The following NXPE4 variants were observed in gnomAD, a reference collection of about 807,000 sequenced individuals.
NXPE4 encodes neurexophilin and PC-esterase domain family member 4.
NXPE4 carries 42 observed loss-of-function variants against 33.3 expected under a neutral mutation model. The ratio of observed to expected loss-of-function variants is 1.26; its 90% CI spans 0.98 to 1.63. NXPE4 has a LOEUF of 1.63. Among genes scored for constraint, NXPE4 ranks in the 40% most tolerant of loss-of-function variants. The probability of loss-of-function intolerance (pLI) is 0.00; values close to 1 mark genes in which losing one functional copy is unlikely to be tolerated. For missense variants in NXPE4, 709 were observed against 647.6 expected, an observed-to-expected ratio of 1.09 and a Z score of -1.03; for synonymous variants, 253 against 234.9, an observed-to-expected ratio of 1.08 and a Z score of -0.71.
chr11:114,641,046 A>G, the NXPE4 span, among the ~76,000 whole-genome samples: 1 of 151,762 alleles, frequency 6.6e-6, no homozygotes, highest in East Asian at 1.9e-4. Flanking sequence ...CAGAAACAAG[A>G]CATCAGAAAG....
chr11:114,655,431 T>TTTC, the NXPE4 span, among the ~76,000 whole-genome samples: 2 of 152,176 alleles, frequency 1.3e-5, no homozygotes, highest in Non-Finnish European at 2.9e-5. Context: ...TTGCCTAGGT[T>TTTC]TTCTTCTAGG....
At chr11:114,663,598 T>C in the NXPE4 span, among the ~76,000 whole-genome samples, 1 of 96,392 alleles carries the variant, frequency 1.0e-5, no homozygotes, top group African/African-American at 3.7e-5. Context: ...TCTATCTATC[T>C]ATCTATCTAT....
chr11:114,631,815 G>C, the NXPE4 span, among the ~76,000 whole-genome samples: 3 of 151,566 alleles, frequency 2.0e-5, no homozygotes, highest in East Asian at 5.8e-4. Flanking sequence ...AATAAGTATT[G>C]CCTCATGGGT....
the NXPE4 span, among the ~76,000 whole-genome samples, chr11:114,632,887 A>C: frequency 9.6e-5 from 8 of 83,734 alleles, no homozygotes; most frequent in African/African-American, 3.6e-4. Flanking sequence ...ATTATATATT[A>C]TATAATTTTA....
chr11:114,577,452 A>G (rs950872220), intron 5 of NXPE4, among the ~76,000 whole-genome samples: 2 of 152,108 alleles, frequency 1.3e-5, no homozygotes, highest in East Asian at 3.9e-4. Context: ...CACAGTGTAC[A>G]CTGCTCGGGC....
At chr11:114,578,761 T>C (rs1389634864) in intron 5 of NXPE4, among the ~76,000 whole-genome samples, 1 of 152,166 alleles carries the variant, frequency 6.6e-6, no homozygotes, top group African/African-American at 2.4e-5. Flanking sequence ...TAAGGTCTAC[T>C]AGCAAATTCT....
chr11:114,647,708 T>TA, the NXPE4 span, among the ~76,000 whole-genome samples: 26 of 151,476 alleles, frequency 1.7e-4, no homozygotes, highest in Admixed American at 3.3e-4. Flanking sequence ...TTATTTTATT[T>TA]TTTTTTTTTT....
chr11:114,618,937 C>T, the NXPE4 span, among the ~76,000 whole-genome samples: 1 of 151,830 alleles, frequency 6.6e-6, no homozygotes, highest in Admixed American at 6.6e-5. Flanking sequence ...CTGCTACCCA[C>T]TGGATAATAA....
chr11:114,651,501 G>A, the NXPE4 span, among the ~76,000 whole-genome samples: 1 of 152,186 alleles, frequency 6.6e-6, no homozygotes, highest in East Asian at 1.9e-4. Flanking sequence ...AAGAGCAAAA[G>A]AACAAACCTG....
At chr11:114,594,541 T>C (rs1487458960) in intron 2 of NXPE4, 123 bp downstream of exon 2, 2 of 674,978 alleles carry the variant, frequency 3.0e-6, no homozygotes, top group Non-Finnish European at 5.3e-6. Flanking sequence ...TGTTGTTTGG[T>C]ATCTAGCTAT....
the NXPE4 span, among the ~76,000 whole-genome samples, chr11:114,656,926 A>T: frequency 6.6e-6 from 1 of 152,088 alleles, no homozygotes; most frequent in African/African-American, 2.4e-5. Context: ...CCCCGTCTCT[A>T]CTAAAAATAC....
the NXPE4 span, among the ~76,000 whole-genome samples, chr11:114,631,144 A>T: frequency 6.6e-6 from 1 of 151,974 alleles, no homozygotes; most frequent in Non-Finnish European, 1.5e-5. Flanking sequence ...AACTAGAAAT[A>T]CCATTTGACC....
chr11:114,637,824 A>G, the NXPE4 span, among the ~76,000 whole-genome samples: 21 of 152,000 alleles, frequency 1.4e-4, no homozygotes, highest in Non-Finnish European at 2.6e-4. Context: ...AGTTTCTGCC[A>G]AGAGATCTGC....
At chr11:114,597,400 C>T (rs557583032), upstream of NXPE4, among the ~76,000 whole-genome samples, 8 of 152,054 alleles carry the variant, frequency 5.3e-5, no homozygotes, top group Admixed American at 1.3e-4. Context: ...AAAATATTTT[C>T]GGAGAAAGAA....
the NXPE4 span, among the ~76,000 whole-genome samples, chr11:114,607,187 G>A: frequency 2.7e-5 from 4 of 150,900 alleles, no homozygotes; most frequent in African/African-American, 9.7e-5. Flanking sequence ...CATCGTGGGT[G>A]ACAATTCTTA....
At chr11:114,655,320 T>A in the NXPE4 span, among the ~76,000 whole-genome samples, 3 of 152,220 alleles carry the variant, frequency 2.0e-5, no homozygotes, top group African/African-American at 7.2e-5. Flanking sequence ...CAAAAACTCT[T>A]TAGTTTAATT....
intron 5 of NXPE4, among the ~76,000 whole-genome samples, chr11:114,574,832 T>C (rs1024138613): frequency 6.6e-6 from 1 of 152,096 alleles, no homozygotes; most frequent in African/African-American, 2.4e-5. Flanking sequence ...CCTCCCTAAA[T>C]AATTCTATAA....
the NXPE4 span, among the ~76,000 whole-genome samples, chr11:114,601,759 ATGTG>A: frequency 2.8e-5 from 2 of 71,102 alleles, no homozygotes; most frequent in African/African-American, 5.9e-5. Context: ...TATAATATAT[ATGTG>A]ATTATATATT....
chr11:114,677,138 A>C, the NXPE4 span, among the ~76,000 whole-genome samples: 4 of 152,056 alleles, frequency 2.6e-5, no homozygotes, highest in Non-Finnish European at 5.9e-5. Context: ...CAAATAGGGG[A>C]TGTTGGTCAG....
Sources: allele counts gnomAD v4.1 joint callset (sites outside exome capture counted in the v4.1 genomes callset), GRCh38; gene constraint gnomAD v4.1.1; transcripts MANE v1.5; gene names NCBI Gene and HGNC (gene_info 2026-07-23, HGNC 2026-07-21).